Variants in USP10 observed in about 807,000 individuals in gnomAD.
USP10 encodes ubiquitin specific peptidase 10.
In USP10, 22 loss-of-function variants were observed where a neutral mutation model predicts 84.5. That is an observed-to-expected ratio of 0.26 (90% CI 0.19 to 0.37). The LOEUF (loss-of-function observed/expected upper bound fraction) is 0.37, where lower values mean the gene tolerates loss of function less well. USP10 is among the 10% of genes least tolerant of loss of function. The pLI is 1.00. For missense variants in USP10, 1,019 were observed against 998.9 expected (o/e 1.02, Z -0.27); for synonymous variants, 454 against 387.6 (o/e 1.17, Z -2.01).
chr16:84,742,915 C>T (rs901641730), intron 3 of USP10, among the ~76,000 whole-genome samples: 3 of 152,152 alleles, frequency 2.0e-5, no homozygotes, highest in Non-Finnish European at 4.4e-5. Flanking sequence ...GAGATGTGTA[C>T]AGCACATCTG....
intron 1 of USP10, among the ~76,000 whole-genome samples, chr16:84,710,798 C>T (rs373587941): frequency 3.9e-5 from 6 of 152,312 alleles, no homozygotes; most frequent in African/African-American, 1.4e-4. Context: ...CCAAGAGACA[C>T]TGAGTAAGGA....
chr16:84,733,550 A>G, intron 2 of USP10, 47 bp downstream of exon 2: 2 of 1,272,272 alleles, frequency 1.6e-6, no homozygotes, highest in East Asian at 2.4e-5. Flanking sequence ...GATACAATTA[A>G]TAGTTATGTT....
chr16:84,738,552 G>A (rs565581543), intron 2 of USP10, among the ~76,000 whole-genome samples: 1 of 152,134 alleles, frequency 6.6e-6, no homozygotes, highest in Non-Finnish European at 1.5e-5. Flanking sequence ...CATCAATGCT[G>A]GTGTGTGGAA....
intron 1 of USP10, among the ~76,000 whole-genome samples, chr16:84,705,407 A>G (rs1905352014): frequency 6.6e-6 from 1 of 151,690 alleles, no homozygotes; most frequent in African/African-American, 2.4e-5. Flanking sequence ...AATTGTTTGT[A>G]TTTTTAGTAG....
intron 12 of USP10, 128 bp from the exon 13 acceptor site, chr16:84,775,032 G>C: frequency 1.3e-6 from 1 of 772,682 alleles, no homozygotes; most frequent in Non-Finnish European, 2.3e-6. Context: ...TGAAGGGATA[G>C]AGTGTTGTTT....
At chr16:84,778,505 T>C (rs879553517) in intron 13 of USP10, among the ~76,000 whole-genome samples, 13 of 152,336 alleles carry the variant, frequency 8.5e-5, no homozygotes, top group East Asian at 1.9e-4. Flanking sequence ...CTGTCCAAGA[T>C]TCAGATAATC....
chr16:84,750,966 A>G (rs188251408), intron 4 of USP10, among the ~76,000 whole-genome samples: 30 of 152,310 alleles, frequency 2.0e-4, no homozygotes, highest in African/African-American at 3.6e-4. Flanking sequence ...AGTTATTACA[A>G]TTTGGGTCTT....
rs78567034 is a variant in USP10, at chr16:84,731,491, T to C, written c.22-1944T>C. 5.8e-3 allele frequency among the ~76,000 whole-genome samples: 889 copies of C among 152,330 alleles called. 8 individuals carry two copies. The highest frequency in any genetic ancestry group is 0.02 in the African/African-American group (839 of 41,574). On this transcript the variant is annotated intron_variant, in intron 1 of 13. Transcript: ENST00000219473. Reference sequence around the variant, plus strand: ...TCTTGTATTTCTCGAATTCATTTTCTGGAATTCTTAAGCAGTTTCCTTTCC... The same window carrying C: ...TCTTGTATTTCTCGAATTCATTTTCCGGAATTCTTAAGCAGTTTCCTTTCC...
chr16:84,714,990 G>C (rs371229146), intron 1 of USP10, among the ~76,000 whole-genome samples: 6 of 149,436 alleles, frequency 4.0e-5, no homozygotes, highest in Non-Finnish European at 8.9e-5. Context: ...AGTGCAGTTC[G>C]CAGTCTCGGC....
At position 84,755,376 on chromosome 16, in the gene USP10, C is replaced by G. The variant is rs368384048; in HGVS notation, c.1193-3340C>G. ...TTCCTGGATCCCTAGCTCCTTGCAC[C>G]CATGATCCTGTCTCCTTCCTCAGCC... On this transcript the variant is annotated intron_variant, in intron 4 of 13. Transcript: ENST00000219473. Among the ~76,000 whole-genome samples the G allele has an allele frequency of 5.9e-5, 9 of 151,894 alleles. 1 individual carries two copies. The highest frequency in any genetic ancestry group is 5.2e-4 in the Admixed American group (8 of 15,246).
At chr16:84,761,309 C>A (rs1008770212) in intron 8 of USP10, among the ~76,000 whole-genome samples, 4 of 152,188 alleles carry the variant, frequency 2.6e-5, no homozygotes, top group Non-Finnish European at 5.9e-5. Context: ...AGAGATAATG[C>A]TATGAACAAA....
chr16:84,710,929 C>G (rs115682816), intron 1 of USP10, among the ~76,000 whole-genome samples: 4 of 152,126 alleles, frequency 2.6e-5, no homozygotes, highest in African/African-American at 9.7e-5. Flanking sequence ...ATAGCAATAA[C>G]GAAATCGTAT....
At chr16:84,742,785 G>T (rs772219659) in intron 3 of USP10, among the ~76,000 whole-genome samples, 6 of 152,192 alleles carry the variant, frequency 3.9e-5, no homozygotes, top group Non-Finnish European at 7.4e-5. Context: ...CTGCCTTCTA[G>T]TGAGATGATC....
chr16:84,706,858 A>T (rs985483890), intron 1 of USP10, among the ~76,000 whole-genome samples: 2 of 152,206 alleles, frequency 1.3e-5, no homozygotes, highest in African/African-American at 4.8e-5. Flanking sequence ...ATATATATTT[A>T]TTCAAGACCT....
intron 3 of USP10, among the ~76,000 whole-genome samples, 171 bp downstream of exon 3, chr16:84,740,540 G>A (rs531804895): frequency 2.2e-4 from 33 of 152,360 alleles, no homozygotes; most frequent in Non-Finnish European, 2.6e-4. Context: ...CTAGTGAATT[G>A]GTTTTAAAGC....
chr16:84,736,331 A>G (rs992927590), intron 2 of USP10, among the ~76,000 whole-genome samples: 2 of 152,226 alleles, frequency 1.3e-5, no homozygotes, highest in African/African-American at 4.8e-5. Context: ...TGTTAAGATG[A>G]AAGAGCATTC....
At chr16:84,740,592 T>C (rs535391603) in intron 3 of USP10, among the ~76,000 whole-genome samples, 1 of 152,252 alleles carries the variant, frequency 6.6e-6, no homozygotes, top group Non-Finnish European at 1.5e-5. Context: ...AGATTTAGTT[T>C]AGGAAATGGT....
At chr16:84,733,546 A>G (rs3764281) in intron 2 of USP10, 43 bp downstream of exon 2, 272,586 of 1,309,700 alleles carry the variant, frequency 0.21, 29,291 homozygotes, top group East Asian at 0.27. Context: ...GGTAGATACA[A>G]TTAATAGTTA....
At chr16:84,741,430 G>T (rs1334166957) in intron 3 of USP10, among the ~76,000 whole-genome samples, 1 of 152,180 alleles carries the variant, frequency 6.6e-6, no homozygotes, top group Non-Finnish European at 1.5e-5. Flanking sequence ...CTCTGTCACT[G>T]TGTGCTTTGC....
Sources: gnomAD v4.1 joint callset for allele counts (sites outside exome capture counted in the v4.1 genomes callset) on GRCh38, gnomAD v4.1.1 for gene constraint, MANE v1.5 for transcripts, NCBI Gene and HGNC (gene_info 2026-07-23, HGNC 2026-07-21) for gene names.